DLGAP2: variants seen among roughly 807,000 people sequenced by gnomAD.
DLGAP2 encodes disks large-associated protein 2.
In DLGAP2, 26 loss-of-function variants were observed where a neutral mutation model predicts 100.3. The ratio of observed to expected loss-of-function variants is 0.26; its 90% CI spans 0.19 to 0.36. DLGAP2 has a LOEUF of 0.36. DLGAP2 is among the 10% of genes least tolerant of loss of function. DLGAP2 has a pLI of 1.00. For synonymous variants in DLGAP2, 886 were observed against 630.1 expected, an observed-to-expected ratio of 1.41 and a Z score of -6.08; for missense variants, 1,858 against 1,453.2, an observed-to-expected ratio of 1.28 and a Z score of -4.53.
chr8:1,481,325 G>A (rs1011330077), intron 3 of DLGAP2, among the ~76,000 whole-genome samples: 9 of 152,084 alleles, frequency 5.9e-5, no homozygotes, highest in East Asian at 1.9e-4. Context: ...ACTGATGAGC[G>A]TGACCGTTCA....
At chr8:1,559,163 A>G (rs1802075166) in intron 5 of DLGAP2, among the ~76,000 whole-genome samples, 1 of 152,198 alleles carries the variant, frequency 6.6e-6, no homozygotes, top group South Asian at 2.1e-4. Context: ...AACATCACCC[A>G]TCACTAGGTA....
At chr8:1,085,002 C>T (rs58586439) in intron 2 of DLGAP2, among the ~76,000 whole-genome samples, 4,370 of 152,278 alleles carry the variant, frequency 0.029, 180 homozygotes, top group African/African-American at 0.098. Flanking sequence ...ACAGGGTTCC[C>T]ATTTCTCCAC....
At chr8:779,467 CTT>C (rs35954348) in intron 1 of DLGAP2, among the ~76,000 whole-genome samples, 9 of 142,182 alleles carry the variant, frequency 6.3e-5, no homozygotes, top group Non-Finnish European at 7.6e-5. Flanking sequence ...TTCTTTCTTT[CTT>C]TTTTTTTTTT....
At chr8:1,605,650 C>A (rs1796772928) in intron 6 of DLGAP2, among the ~76,000 whole-genome samples, 1 of 152,132 alleles carries the variant, frequency 6.6e-6, no homozygotes, top group South Asian at 2.1e-4. Context: ...ATCTGTGATC[C>A]CGCTGATGTT....
chr8:1,233,262 G>A (rs1273297075), intron 2 of DLGAP2, among the ~76,000 whole-genome samples: 2 of 152,218 alleles, frequency 1.3e-5, no homozygotes, highest in African/African-American at 4.8e-5. Context: ...GAACATTTGT[G>A]TGAGCATCCT....
chr8:1,495,400 C>A (rs1199247336), intron 3 of DLGAP2, among the ~76,000 whole-genome samples: 1 of 152,218 alleles, frequency 6.6e-6, no homozygotes, highest in Non-Finnish European at 1.5e-5. Context: ...ACCCCAGGGC[C>A]CTTTCTCTTC....
In DLGAP2 at chr8:1,580,430, C is replaced by G. The variant is rs184539276; in HGVS notation, c.1442+14536C>G. On this transcript the variant is annotated intron_variant, in intron 6 of 14. Transcript: ENST00000637795. Reference sequence around the variant, plus strand: ...TCATGGAAATTACCCAGCGGAGGCTCGAAGAGAAAGCGTGGGAATCGAAAG... The same window carrying G: ...TCATGGAAATTACCCAGCGGAGGCTGGAAGAGAAAGCGTGGGAATCGAAAG... 1.8e-4 allele frequency among the ~76,000 whole-genome samples: 27 copies of G among 152,216 alleles called. No homozygotes were observed. In the East Asian group the frequency reaches 5.0e-3, roughly 28 times the overall value.
chr8:1,258,647 A>C (rs1023940448), intron 2 of DLGAP2, among the ~76,000 whole-genome samples: 1 of 152,184 alleles, frequency 6.6e-6, no homozygotes, highest in Non-Finnish European at 1.5e-5. Flanking sequence ...TCTGTAAAAC[A>C]TTTGCCAAGG....
intron 3 of DLGAP2, chr8:1,368,937 C>G (rs1335931249): frequency 6.6e-6 from 1 of 152,296 alleles, no homozygotes; most frequent in African/African-American, 2.4e-5. Flanking sequence ...ACTGATCGTC[C>G]GTTCCTGTGC....
chr8:1,182,230 A>C (rs1206232365), intron 2 of DLGAP2, among the ~76,000 whole-genome samples: 1 of 152,212 alleles, frequency 6.6e-6, no homozygotes, highest in Non-Finnish European at 1.5e-5. Context: ...CGTTCCCAAC[A>C]GGGGCTTGGG....
At chr8:873,630 C>G (rs1245547272) in intron 1 of DLGAP2, among the ~76,000 whole-genome samples, 1 of 151,972 alleles carries the variant, frequency 6.6e-6, no homozygotes, top group Non-Finnish European at 1.5e-5. Context: ...TCATCTTTAG[C>G]CTTTTTTTCT....
chr8:758,456 A>C (rs1434203314), intron 1 of DLGAP2, among the ~76,000 whole-genome samples: 5 of 152,232 alleles, frequency 3.3e-5, no homozygotes, highest in African/African-American at 4.8e-5. Context: ...TTACAAATCA[A>C]ATAGTTCAGT....
At chr8:1,128,117 G>A (rs1054998072) in intron 2 of DLGAP2, among the ~76,000 whole-genome samples, 3 of 152,178 alleles carry the variant, frequency 2.0e-5, no homozygotes, top group African/African-American at 7.2e-5. Flanking sequence ...TGTGTTCCGT[G>A]AGGACCTGCT....
intron 2 of DLGAP2, among the ~76,000 whole-genome samples, chr8:937,669 C>T (rs570546314): frequency 2.2e-4 from 34 of 152,330 alleles, no homozygotes; most frequent in Admixed American, 7.2e-4. Flanking sequence ...TCTTGCCCAA[C>T]TGCCTCGCTG....
chr8:1,514,906 GGGGAAGAGCC>G (rs1316742407), intron 4 of DLGAP2, among the ~76,000 whole-genome samples: 1 of 152,214 alleles, frequency 6.6e-6, no homozygotes, highest in Non-Finnish European at 1.5e-5. Context: ...AGCCCCACGA[GGGGAAGAGCC>G]CCTACAAGAG....
At chr8:1,283,639 A>G (rs1332287453) in intron 3 of DLGAP2, among the ~76,000 whole-genome samples, 3 of 152,212 alleles carry the variant, frequency 2.0e-5, no homozygotes, top group Admixed American at 2.0e-4. Context: ...TTTTCATTGA[A>G]TATTCAGCTT....
chr8:1,052,484 A>T (rs909706157), intron 2 of DLGAP2, among the ~76,000 whole-genome samples: 2 of 152,156 alleles, frequency 1.3e-5, no homozygotes, highest in Non-Finnish European at 2.9e-5. Context: ...CAGTGGGGAG[A>T]GGAGGGAGTA....
intron 3 of DLGAP2, among the ~76,000 whole-genome samples, chr8:1,408,920 C>G (rs1428902919): frequency 6.6e-6 from 1 of 152,228 alleles, no homozygotes; most frequent in Non-Finnish European, 1.5e-5. Context: ...TCCTGGGCCA[C>G]AGGGTCTGTC....
At chr8:773,341 A>ATTT (rs1821418705) in intron 1 of DLGAP2, among the ~76,000 whole-genome samples, 1 of 148,478 alleles carries the variant, frequency 6.7e-6, no homozygotes, top group African/African-American at 2.5e-5. Context: ...TTTTTTTTTA[A>ATTT]GTTTATTTTC....
Sources: allele counts gnomAD v4.1 joint callset (sites outside exome capture counted in the v4.1 genomes callset), GRCh38; gene constraint gnomAD v4.1.1; transcripts MANE v1.5; gene names NCBI Gene and HGNC (gene_info 2026-07-23, HGNC 2026-07-21).